The following KCNK13 variants were observed in gnomAD, a reference collection of about 807,000 sequenced individuals.
KCNK13 encodes potassium two pore domain channel subfamily K member 13, also known as potassium channel subfamily K member 13.
A neutral mutation model predicts 23.4 loss-of-function variants in KCNK13; 12 were observed. The observed-to-expected ratio is 0.51, with a 90% CI of 0.33 to 0.83. The LOEUF is 0.83. KCNK13 is among the 40% of genes least tolerant of loss of function. The probability of loss-of-function intolerance (pLI) is 0.02; values close to 1 mark genes in which losing one functional copy is unlikely to be tolerated. For synonymous variants in KCNK13, 231 were observed against 229.5 expected, an observed-to-expected ratio of 1.01 and a Z score of -0.06; for missense variants, 463 against 556.3, an observed-to-expected ratio of 0.83 and a Z score of 1.69.
chr14:90,131,563 TG>T (rs1889872209), intron 1 of KCNK13, among the ~76,000 whole-genome samples: 3 of 152,112 alleles, frequency 2.0e-5, no homozygotes, highest in Admixed American at 6.6e-5. Flanking sequence ...AGTGTCACTC[TG>T]TCATCCAGGC....
intron 1 of KCNK13, among the ~76,000 whole-genome samples, chr14:90,133,274 C>G (rs191457373): frequency 9.9e-5 from 15 of 152,192 alleles, no homozygotes; most frequent in Admixed American, 9.2e-4. Context: ...TGAAAGAAAC[C>G]AGTTGCAAAA....
chr14:90,174,048 T>G (rs948375210), intron 1 of KCNK13, among the ~76,000 whole-genome samples: 1 of 151,970 alleles, frequency 6.6e-6, no homozygotes, highest in African/African-American at 2.4e-5. Flanking sequence ...GGCTCATGCC[T>G]GTAATCCCAG....
intron 1 of KCNK13, among the ~76,000 whole-genome samples, chr14:90,063,412 G>C (rs1285448958): frequency 6.6e-6 from 1 of 152,080 alleles, no homozygotes; most frequent in African/African-American, 2.4e-5. Context: ...AAATGATTTG[G>C]GGGAGTCTGC....
chr14:90,108,359 T>C (rs541111272), intron 1 of KCNK13, among the ~76,000 whole-genome samples: 18 of 152,150 alleles, frequency 1.2e-4, no homozygotes, highest in Non-Finnish European at 1.9e-4. Context: ...ACAGACTCCT[T>C]CTCCACAATG....
chr14:90,128,609 G>A (rs1394572601), intron 1 of KCNK13, among the ~76,000 whole-genome samples: 1 of 152,122 alleles, frequency 6.6e-6, no homozygotes, highest in African/African-American at 2.4e-5. Flanking sequence ...GGTAAAATAA[G>A]GAATCCTCTG....
chr14:90,114,903 G>A (rs915798930), intron 1 of KCNK13, among the ~76,000 whole-genome samples: 3 of 152,224 alleles, frequency 2.0e-5, no homozygotes, highest in East Asian at 3.9e-4. Flanking sequence ...CTTCTGCTAG[G>A]TGGCCCCTCT....
intron 1 of KCNK13, among the ~76,000 whole-genome samples, chr14:90,078,869 G>C (rs575063407): frequency 6.6e-6 from 1 of 152,186 alleles, no homozygotes; most frequent in Non-Finnish European, 1.5e-5. Context: ...AGAAAGTCAG[G>C]CTCAAAAAGA....
Position 90,174,158 on chromosome 14 carries a change from A to C in KCNK13, c.335-9953A>C, listed in dbSNP as rs113876802. ...TGTCTCTACTAAAAAAATACAAAAA[A>C]AATTAGCCGGGTGTGGTGGTGGGCA... is the stretch of plus-strand genomic sequence containing the variant. On this transcript the variant is annotated intron_variant, in intron 1 of 1. Coordinates refer to ENST00000282146, the MANE Select transcript of KCNK13 (RefSeq NM_022054.4). 4.9e-3 allele frequency among the ~76,000 whole-genome samples: 746 copies of C among 152,122 alleles called. 9 individuals are homozygous for C. The highest frequency in any genetic ancestry group is 0.017 in the African/African-American group (693 of 41,486).
chr14:90,084,604 T>C (rs1451576224), intron 1 of KCNK13, among the ~76,000 whole-genome samples: 1 of 152,224 alleles, frequency 6.6e-6, no homozygotes. Context: ...GTTCTTTCTT[T>C]CCCATCTGGA....
intron 1 of KCNK13, chr14:90,108,001 G>T: frequency 2.9e-6 from 2 of 701,148 alleles, no homozygotes; most frequent in South Asian, 2.8e-5. Flanking sequence ...AGTAACCACA[G>T]AGCAGGCCAC....
chr14:90,118,775 A>T (rs568219038), intron 1 of KCNK13, among the ~76,000 whole-genome samples: 4 of 152,270 alleles, frequency 2.6e-5, no homozygotes, highest in East Asian at 1.9e-4. Flanking sequence ...TTTCATTTTT[A>T]AAAATAACCA....
rs531915015 is a variant in KCNK13, at chr14:90,108,912, G to T, written c.334+46373G>T. On this transcript the variant is annotated intron_variant, in intron 1 of 1. Coordinates refer to ENST00000282146, the MANE Select transcript of KCNK13 (RefSeq NM_022054.4). Reference sequence around the variant, plus strand: ...ATCCCTTGGGCCAGGCGCAGTGGCTGACGCCTGTAATCCCAGCACTTTGGG... The same window carrying T: ...ATCCCTTGGGCCAGGCGCAGTGGCTTACGCCTGTAATCCCAGCACTTTGGG... 3.9e-5 allele frequency among the ~76,000 whole-genome samples: 6 copies of T among 152,232 alleles called. No individual in the cohort carries two copies. The South Asian group carries it at 1.2e-3, about 32-fold the overall frequency.
chr14:90,144,772 C>G (rs1890054579), intron 1 of KCNK13, among the ~76,000 whole-genome samples: 1 of 151,988 alleles, frequency 6.6e-6, no homozygotes, highest in Non-Finnish European at 1.5e-5. Context: ...GTTTTACTTT[C>G]TTTACAATGC....
intron 1 of KCNK13, among the ~76,000 whole-genome samples, chr14:90,085,951 TA>T (rs1889271581): frequency 6.7e-6 from 1 of 149,772 alleles, no homozygotes; most frequent in African/African-American, 2.4e-5. Context: ...GGTATCAGGA[TA>T]ATACTATAGA....
intron 1 of KCNK13, among the ~76,000 whole-genome samples, chr14:90,137,423 C>T (rs1219765454): frequency 2.0e-5 from 3 of 152,036 alleles, no homozygotes. Context: ...CAGGTTCAAG[C>T]GATTCTCCCA....
chr14:90,064,211 TGACTC>T (rs1372341607), intron 1 of KCNK13, among the ~76,000 whole-genome samples: 2 of 152,192 alleles, frequency 1.3e-5, no homozygotes, highest in African/African-American at 4.8e-5. Flanking sequence ...GAAGTGACCT[TGACTC>T]TACTGTGTTT....
At chr14:90,106,560 G>A (rs1889545718) in intron 1 of KCNK13, among the ~76,000 whole-genome samples, 2 of 151,366 alleles carry the variant, frequency 1.3e-5, no homozygotes, top group African/African-American at 4.9e-5. Context: ...GGGTGACAGA[G>A]TGAGACTATG....
intron 1 of KCNK13, among the ~76,000 whole-genome samples, chr14:90,138,397 AC>A (rs1247365935): frequency 2.0e-5 from 3 of 152,154 alleles, no homozygotes; most frequent in African/African-American, 4.8e-5. Context: ...GAATTCTGTA[AC>A]TTTTCTTTCT....
rs775619623 is a variant in KCNK13, at chr14:90,184,190, C to T, written c.414C>T (p.Thr138=). 2 of 1,614,214 alleles carry T rather than the reference C, an allele frequency of 1.2e-6. No homozygotes were observed. The highest frequency in any genetic ancestry group is 3.3e-5 in the Admixed American group (2 of 60,026). The change falls in exon 2 of 2, where the codon ACC becomes ACT. Residue 138 remains threonine (T), a synonymous_variant. Coordinates refer to ENST00000282146, the MANE Select transcript of KCNK13 (RefSeq NM_022054.4). The surrounding 1 kb of genome is among the most constrained non-coding windows in gnomAD (Gnocchi z 5.6). ...ACGGCCTTGTTGGGTGTTCCAGCAC[C>T]ATCTTGTTCTTCAACCTCTTCCTGG... The part of the protein sequence containing the change: ...IFYGLVGCSS[T]ILFFNLFLER...
Sources: allele counts gnomAD v4.1 joint callset (sites outside exome capture counted in the v4.1 genomes callset), GRCh38; gene constraint gnomAD v4.1.1; non-coding constraint Gnocchi (gnomAD v3.1); transcripts MANE v1.5; gene names NCBI Gene and HGNC (gene_info 2026-07-23, HGNC 2026-07-21).